Variants in NBEA observed in about 807,000 individuals in gnomAD.
NBEA encodes the protein neurobeachin, also known as lysosomal-trafficking regulator 2.
A neutral mutation model predicts 343.4 loss-of-function variants in NBEA; 44 were observed. The observed-to-expected ratio is 0.13, with a 90% CI of 0.10 to 0.16. The LOEUF (loss-of-function observed/expected upper bound fraction) is 0.16. Ranked by LOEUF, NBEA falls within the 10% of genes least tolerant of loss-of-function variation. NBEA has a pLI of 1.00. For synonymous variants in NBEA, 1,175 were observed against 1,238.7 expected (o/e 0.95, Z 1.08); for missense variants, 2,555 against 3,631.3 (o/e 0.70, Z 7.62).
intron 38 of NBEA, among the ~76,000 whole-genome samples, chr13:35,394,406 G>A (rs2042644094): frequency 6.6e-6 from 1 of 151,924 alleles, no homozygotes; most frequent in Non-Finnish European, 1.5e-5. Flanking sequence ...AAGTATATAT[G>A]TGATCATTGA....
At chr13:35,453,868 T>A (rs1189488167) in intron 40 of NBEA, among the ~76,000 whole-genome samples, 1 of 151,910 alleles carries the variant, frequency 6.6e-6, no homozygotes, top group East Asian at 1.9e-4. Flanking sequence ...TAAGAAAACA[T>A]CCCCCAAAAA....
At chr13:35,090,451 T>A (rs1282583838) in intron 10 of NBEA, among the ~76,000 whole-genome samples, 2 of 152,026 alleles carry the variant, frequency 1.3e-5, no homozygotes, top group Non-Finnish European at 2.9e-5. Flanking sequence ...ACATTGTCTC[T>A]AGCATACTTG....
intron 34 of NBEA, chr13:35,251,633 A>T: frequency 9.4e-7 from 1 of 1,059,026 alleles, no homozygotes. Flanking sequence ...GCCAGATTTG[A>T]GGTGGAAAAG....
At chr13:35,012,504 T>C (rs1485226157) in intron 1 of NBEA, among the ~76,000 whole-genome samples, 1 of 152,174 alleles carries the variant, frequency 6.6e-6, no homozygotes, top group African/African-American at 2.4e-5. Context: ...TGAGTCACTT[T>C]TGAGTACTTT....
At chr13:35,559,389 A>G (rs1357832982) in intron 44 of NBEA, among the ~76,000 whole-genome samples, 1 of 152,210 alleles carries the variant, frequency 6.6e-6, no homozygotes, top group Non-Finnish European at 1.5e-5. Context: ...TTTTAGGGAT[A>G]CGGTTATTGT....
At chr13:35,618,428 T>C in intron 48 of NBEA, among the ~76,000 whole-genome samples, 1 of 152,212 alleles carries the variant, frequency 6.6e-6, no homozygotes, top group Non-Finnish European at 1.5e-5. Flanking sequence ...TTTATTTTTT[T>C]AAAAAATGAA....
chr13:35,437,078 T>G (rs1449825553), intron 39 of NBEA, among the ~76,000 whole-genome samples: 1 of 152,188 alleles, frequency 6.6e-6, no homozygotes, highest in Non-Finnish European at 1.5e-5. Context: ...GTAATAGAAG[T>G]GAAACTGATT....
chr13:35,291,947 A>G (rs1399459916), intron 35 of NBEA, among the ~76,000 whole-genome samples: 26 of 151,950 alleles, frequency 1.7e-4, no homozygotes, highest in Admixed American at 1.6e-3. Flanking sequence ...TTTTAAGTTG[A>G]ATTTTTAAAA....
intron 1 of NBEA, among the ~76,000 whole-genome samples, chr13:34,960,856 CTG>C (rs1193187841): frequency 2.0e-5 from 3 of 152,032 alleles, no homozygotes; most frequent in Non-Finnish European, 4.4e-5. Flanking sequence ...TGATGAATGA[CTG>C]TATTTTATCC....
rs187372730 is a variant in NBEA, at chr13:35,081,515, C to T, written c.1571+10663C>T. On this transcript the variant is annotated intron_variant, in intron 10 of 58. Coordinates refer to ENST00000379939, the MANE Select transcript of NBEA (RefSeq NM_001385012.1). ...AATCTAAATATTTATTAATGGCTTT[C>T]AAGATGGGCAAGCTTTTTTTTTTTA... is the stretch of plus-strand genomic sequence containing the variant. 2.6e-3 allele frequency among the ~76,000 whole-genome samples: 385 copies of T among 150,522 alleles called. 3 individuals carry two copies. The highest frequency in any genetic ancestry group is 1.5e-3 in the Non-Finnish European group (101 of 67,746).
chr13:35,110,068 T>C (rs1240706450), intron 12 of NBEA, among the ~76,000 whole-genome samples: 57 of 147,988 alleles, frequency 3.9e-4, no homozygotes, highest in Non-Finnish European at 7.0e-4. Flanking sequence ...TTTTTTTTTT[T>C]ATTATACTCT....
At chr13:35,578,256 G>A (rs2080843879) in intron 45 of NBEA, among the ~76,000 whole-genome samples, 1 of 152,158 alleles carries the variant, frequency 6.6e-6, no homozygotes. Flanking sequence ...CTTTTCTTCA[G>A]TGTACTCATT....
At chr13:35,032,898 T>C (rs2062290518) in intron 1 of NBEA, among the ~76,000 whole-genome samples, 1 of 151,810 alleles carries the variant, frequency 6.6e-6, no homozygotes, top group South Asian at 2.1e-4. Flanking sequence ...TGTATTCTGG[T>C]TATTAATCCG....
chr13:34,979,389 G>A (rs146765912), intron 1 of NBEA, among the ~76,000 whole-genome samples: 267 of 152,114 alleles, frequency 1.8e-3, no homozygotes, highest in Non-Finnish European at 2.8e-3. Context: ...GCATGGTGGC[G>A]TGCACCTGTA....
chr13:35,626,442 A>G (rs1310514427), intron 48 of NBEA, among the ~76,000 whole-genome samples: 1 of 152,208 alleles, frequency 6.6e-6, no homozygotes, highest in Non-Finnish European at 1.5e-5. Flanking sequence ...AGTAAATTTC[A>G]TCAAACCTTT....
rs149153663 is a variant in NBEA at position 35,246,665 on chromosome 13, C to T, written c.5776+14046C>T. Reference sequence around the variant, plus strand: ...CTTCAGTTCTCTCAGTCGTGGATACCAGCACCTGCTCCAATGAAGGTGGCA... The same window carrying T: ...CTTCAGTTCTCTCAGTCGTGGATACTAGCACCTGCTCCAATGAAGGTGGCA... On this transcript the variant is annotated intron_variant, in intron 34 of 58. Coordinates refer to ENST00000379939, the MANE Select transcript of NBEA (RefSeq NM_001385012.1). Among the ~76,000 whole-genome samples the T allele has an allele frequency of 8.8e-3, 1,334 of 152,270 alleles. 20 individuals carry two copies. Among genetic ancestry groups the T allele is most frequent in the Non-Finnish European group, 0.012 (842 of 68,026 alleles).
chr13:35,045,186 T>A, intron 3 of NBEA, 120 bp from the exon 4 acceptor site: 1 of 1,198,200 alleles, frequency 8.3e-7, no homozygotes, highest in African/African-American at 1.6e-5. Context: ...AAATGTTTTG[T>A]AAATGATTTA....
chr13:35,345,120 C>A (rs1011130844), intron 36 of NBEA, among the ~76,000 whole-genome samples: 1 of 151,988 alleles, frequency 6.6e-6, no homozygotes, highest in Non-Finnish European at 1.5e-5. Context: ...CTAAAAATGT[C>A]ATTCATTTAT....
chr13:35,070,955 G>T, intron 10 of NBEA, 103 bp downstream of exon 10: 2 of 1,297,336 alleles, frequency 1.5e-6, no homozygotes, highest in Non-Finnish European at 2.0e-6. Context: ...TTTGGGTTCT[G>T]CCCTTAAAGT....
Sources: allele counts gnomAD v4.1 joint callset (sites outside exome capture counted in the v4.1 genomes callset), GRCh38; gene constraint gnomAD v4.1.1; transcripts MANE v1.5; gene names NCBI Gene and HGNC (gene_info 2026-07-23, HGNC 2026-07-21).